SEPTIN7: variants seen among roughly 807,000 people sequenced by gnomAD.
The protein encoded by SEPTIN7 is septin-7.
Under a neutral mutation model 63.3 loss-of-function variants are expected in SEPTIN7, and 10 were observed. The ratio of observed to expected loss-of-function variants is 0.16; its 90% CI spans 0.10 to 0.27. SEPTIN7 has a LOEUF of 0.27. Ranked by LOEUF, SEPTIN7 falls within the 10% of genes least tolerant of loss-of-function variation. SEPTIN7 has a pLI of 1.00. For missense variants in SEPTIN7, 310 were observed against 521.0 expected (o/e 0.59, Z 3.94); for synonymous variants, 131 against 165.3 (o/e 0.79, Z 1.59).
At position 35,903,101 on chromosome 7, in the gene SEPTIN7, A is replaced by G. The variant is rs1375942774; in HGVS notation, c.1160A>G (p.Lys387Arg). The change falls in exon 13 of 14, where the codon AAA (lysine) becomes AGA (arginine). Residue 387 changes from lysine to arginine, a missense_variant. This residue lies in a region of SEPTIN7 where 255 missense variants were observed against 490.5 expected (regional missense o/e 0.52). Coordinates refer to ENST00000350320, the MANE Select transcript of SEPTIN7 (RefSeq NM_001788.6). Reference sequence around the variant, plus strand: ...CTCCAGCGGCGCCATGAGCAAATGAAAAAGAATTTGGAAGCACAGCACAAA... The same window carrying G: ...CTCCAGCGGCGCCATGAGCAAATGAGAAAGAATTTGGAAGCACAGCACAAA... ...AELQRRHEQM[K>R]KNLEAQHKEL... 1 of 1,562,122 alleles carries G rather than the reference A, an allele frequency of 6.4e-7. No individual in the cohort carries two copies. The highest frequency in any genetic ancestry group is 1.4e-5 in the African/African-American group (1 of 73,404).
intron 10 of SEPTIN7, among the ~76,000 whole-genome samples, chr7:35,886,091 GA>G (rs1246931555): frequency 6.6e-6 from 1 of 152,180 alleles, no homozygotes; most frequent in Non-Finnish European, 1.5e-5. Flanking sequence ...GGATACATAG[GA>G]AAATTAGTCT....
rs193009536 is a variant in SEPTIN7, at chr7:35,851,429, G to A, written c.170-12123G>A. Among the ~76,000 whole-genome samples, 19 of 152,140 alleles carry A rather than the reference G, an allele frequency of 1.2e-4. No homozygotes were observed. In the East Asian group the frequency reaches 3.5e-3, roughly 28 times the overall value. On this transcript the variant is annotated intron_variant, in intron 3 of 13. Transcript: ENST00000350320. ...TCAAAGTCAGAATAAATGTAAAATA[G>A]GCATTAATTTGGAACATTCAGAAAT...
At position 35,906,076 on chromosome 7, in the gene SEPTIN7, T is replaced by C. The variant is rs1284773967; in HGVS notation, c.*1783T>C. 1 of 152,156 alleles carries C rather than the reference T, an allele frequency of 6.6e-6. No homozygotes were observed. Among genetic ancestry groups the C allele is most frequent in the African/African-American group, 2.4e-5 (1 of 41,428 alleles). The allele number at this position is 152,156 out of a possible 1,614,324, so 9.4% of individuals were successfully genotyped here. ...ATTGGGTTAACACCTCTAGCCAAAA[T>C]TGTTTGGTTTTAGGGAGGCTAACAA... is the stretch of plus-strand genomic sequence containing the variant. On this transcript the variant is annotated 3_prime_UTR_variant, in exon 14 of 14. Coordinates refer to ENST00000350320, the MANE Select transcript of SEPTIN7 (RefSeq NM_001788.6).
chr7:35,877,474 T>C (rs1490422991), intron 6 of SEPTIN7, among the ~76,000 whole-genome samples: 3 of 152,228 alleles, frequency 2.0e-5, no homozygotes, highest in Non-Finnish European at 4.4e-5. Context: ...TCTCTTTCTT[T>C]ATTTTAAAAT....
chr7:35,913,100 AG>A, the SEPTIN7 span, among the ~76,000 whole-genome samples: 29 of 152,254 alleles, frequency 1.9e-4, no homozygotes, highest in Middle Eastern at 3.4e-3. Flanking sequence ...ATACCTAGCC[AG>A]TAGGGGTGTT....
At chr7:35,853,179 C>T (rs903239743) in intron 3 of SEPTIN7, among the ~76,000 whole-genome samples, 4 of 152,120 alleles carry the variant, frequency 2.6e-5, no homozygotes, top group African/African-American at 9.7e-5. Context: ...AGCATGTAAT[C>T]CCAGCCCTTT....
At chr7:35,901,534 A>G (rs992919320) in intron 12 of SEPTIN7, 4 of 152,192 alleles carry the variant, frequency 2.6e-5, no homozygotes, top group African/African-American at 9.6e-5. Context: ...TAACTGAAAA[A>G]TGTTGAACTT....
chr7:35,899,348 A>C (rs1434500781), intron 12 of SEPTIN7: 1 of 152,158 alleles, frequency 6.6e-6, no homozygotes, highest in Admixed American at 6.6e-5. Flanking sequence ...TAGCCTGGCC[A>C]ACATGGTGAA....
At chr7:35,853,081 G>A (rs781163305) in intron 3 of SEPTIN7, among the ~76,000 whole-genome samples, 1 of 152,084 alleles carries the variant, frequency 6.6e-6, no homozygotes, top group Non-Finnish European at 1.5e-5. Flanking sequence ...TCTTCTTCCT[G>A]TTCTAAATTT....
rs1408724844 is a variant in SEPTIN7 at position 35,898,232 on chromosome 7, T to C, written c.999-16T>C. The C allele has an allele frequency of 6.6e-7, 1 of 1,523,832 alleles. No homozygotes were observed. The highest frequency in any genetic ancestry group is 8.8e-7 in the Non-Finnish European group (1 of 1,132,288). 94.4% of individuals were successfully genotyped at this position (1,523,832 alleles called of 1,614,324 possible). On this transcript the variant is annotated splice_polypyrimidine_tract_variant and intron_variant, in intron 11 of 13. Transcript: ENST00000350320. ...ATTCACAGACATTTAATGATTACCCTTAATATTCGTGACAGGAGCCCTCTG... is the reference window on the plus strand; with the variant it reads ...ATTCACAGACATTTAATGATTACCCCTAATATTCGTGACAGGAGCCCTCTG...
At chr7:35,844,900 C>G (rs1256099605) in intron 3 of SEPTIN7, among the ~76,000 whole-genome samples, 1 of 152,056 alleles carries the variant, frequency 6.6e-6, no homozygotes, top group Non-Finnish European at 1.5e-5. Flanking sequence ...CTTACCTTGT[C>G]TTTTCTAATC....
At chr7:35,821,748 A>AC (rs1482997673) in intron 1 of SEPTIN7, among the ~76,000 whole-genome samples, 1 of 151,990 alleles carries the variant, frequency 6.6e-6, no homozygotes, top group Non-Finnish European at 1.5e-5. Flanking sequence ...CCACATCATC[A>AC]CCCAGTACTG....
intron 1 of SEPTIN7, among the ~76,000 whole-genome samples, chr7:35,818,733 A>G (rs1392146888): frequency 6.6e-6 from 1 of 151,906 alleles, no homozygotes; most frequent in East Asian, 1.9e-4. Flanking sequence ...CATTTCCTCT[A>G]GGTTATAATC....
the SEPTIN7 span, among the ~76,000 whole-genome samples, chr7:35,912,467 G>T: frequency 1.3e-5 from 2 of 152,232 alleles, no homozygotes; most frequent in Admixed American, 6.5e-5. Context: ...TGACTGGCTT[G>T]CTGTTAATAA....
chr7:35,878,126 T>G (rs1316001679), intron 6 of SEPTIN7, among the ~76,000 whole-genome samples: 1 of 152,158 alleles, frequency 6.6e-6, no homozygotes, highest in East Asian at 1.9e-4. Context: ...AGGACCCATC[T>G]GTATGCAGGC....
intron 8 of SEPTIN7, among the ~76,000 whole-genome samples, chr7:35,883,203 C>T (rs561365483): frequency 2.6e-5 from 4 of 151,918 alleles, no homozygotes; most frequent in Admixed American, 2.6e-4. Context: ...ACAATAAAAA[C>T]CAACCAAAAA....
At chr7:35,840,475 A>G (rs1451455154) in intron 3 of SEPTIN7, among the ~76,000 whole-genome samples, 1 of 151,700 alleles carries the variant, frequency 6.6e-6, no homozygotes, top group East Asian at 1.9e-4. Context: ...ATGGGGTCTC[A>G]CTGTGTTGCC....
intron 3 of SEPTIN7, among the ~76,000 whole-genome samples, chr7:35,842,710 A>G (rs1488709124): frequency 3.9e-5 from 6 of 152,226 alleles, no homozygotes; most frequent in Admixed American, 3.9e-4. Flanking sequence ...TGTGCTGAAA[A>G]TAATGTGTTA....
At chr7:35,843,646 G>A (rs1331224689) in intron 3 of SEPTIN7, among the ~76,000 whole-genome samples, 2 of 152,176 alleles carry the variant, frequency 1.3e-5, no homozygotes, top group Non-Finnish European at 2.9e-5. Context: ...GAAAAAAATG[G>A]TGGAGATAAA....
Sources: gnomAD v4.1 joint callset for allele counts (sites outside exome capture counted in the v4.1 genomes callset) on GRCh38, gnomAD v4.1.1 for gene constraint, gnomAD v4.1.1 regional missense constraint, MANE v1.5 for transcripts, NCBI Gene and HGNC (gene_info 2026-07-23, HGNC 2026-07-21) for gene names.